GSPT1: variants seen among roughly 807,000 people sequenced by gnomAD.
The protein encoded by GSPT1 is eukaryotic peptide chain release factor GTP-binding subunit ERF3A.
GSPT1 carries 20 observed loss-of-function variants against 72.5 expected under a neutral mutation model. The observed-to-expected ratio is 0.28, with a 90% CI of 0.19 to 0.40. The LOEUF is 0.40. GSPT1 is among the 10% of genes least tolerant of loss of function. The pLI is 1.00. For missense variants in GSPT1, 580 were observed against 811.9 expected, an observed-to-expected ratio of 0.71 and a Z score of 3.47; for synonymous variants, 334 against 293.5, an observed-to-expected ratio of 1.14 and a Z score of -1.41.
At chr16:11,916,413 G>A (rs2075150), upstream of GSPT1, among the ~76,000 whole-genome samples, 291 of 152,280 alleles carry the variant, frequency 1.9e-3, 4 homozygotes, top group East Asian at 0.05. Context: ...TATAACATGG[G>A]GAAGAAAAAT....
chr16:11,896,179 C>T (rs901347656), intron 4 of GSPT1, among the ~76,000 whole-genome samples: 3 of 152,122 alleles, frequency 2.0e-5, no homozygotes, highest in Non-Finnish European at 2.9e-5. Context: ...CTGCTTCACA[C>T]AAAATTATCT....
At position 11,915,409 on chromosome 16, in the gene GSPT1, G is replaced by C; in HGVS notation, c.312C>G (p.Ala104=). Residue 104 remains alanine, a synonymous_variant, in exon 1 of 15, where the codon GCC becomes GCG. Transcript: ENST00000434724. The stretch of plus-strand genomic sequence containing the variant: ...CGCCGCTGCCGGCTCCGTGGTTATT[G>C]GCGGCGCCGCCAACTGGGGGTGGCG... The part of the protein sequence containing the change: ...AAPPPPVGGA[A]NNHGAGSGAG... 6.6e-7 allele frequency: 1 copy of C among 1,509,262 alleles called. No individual in the cohort carries two copies. Among genetic ancestry groups the C allele is most frequent in the Non-Finnish European group, 8.8e-7 (1 of 1,133,288 alleles). 93.5% of individuals were successfully genotyped at this position (1,509,262 alleles called of 1,614,324 possible). A position where few individuals can be genotyped will look rare whatever the true frequency, so the allele number is the denominator to read the frequency against.
At chr16:11,874,964 G>T (rs896097623) in intron 14 of GSPT1, among the ~76,000 whole-genome samples, 10 of 152,236 alleles carry the variant, frequency 6.6e-5, no homozygotes, top group Non-Finnish European at 1.0e-4. Context: ...GGCCAAGGCG[G>T]GCGGATCACG....
At chr16:11,902,210 G>A (rs2054417163) in intron 1 of GSPT1, among the ~76,000 whole-genome samples, 1 of 151,248 alleles carries the variant, frequency 6.6e-6, no homozygotes. Flanking sequence ...GTGAAACCCT[G>A]TCTCTACTAA....
intron 1 of GSPT1, among the ~76,000 whole-genome samples, chr16:11,899,179 A>T (rs1303581507): frequency 6.6e-6 from 1 of 152,218 alleles, no homozygotes; most frequent in Non-Finnish European, 1.5e-5. Context: ...TGAAAAAATA[A>T]TGAATTTGTA....
chr16:11,911,469 T>C (rs1197329951), intron 1 of GSPT1, among the ~76,000 whole-genome samples: 1 of 151,886 alleles, frequency 6.6e-6, no homozygotes, highest in Non-Finnish European at 1.5e-5. Flanking sequence ...CACTGCAGCC[T>C]CCAGCTCCTG....
At chr16:11,895,291 C>A (rs944091529) in intron 4 of GSPT1, 1 of 208,774 alleles carries the variant, frequency 4.8e-6, no homozygotes, top group Non-Finnish European at 9.9e-6. Flanking sequence ...ATTAGCTAGG[C>A]GTGGTGGCGG....
At chr16:11,892,386 G>A (rs2054272932) in intron 5 of GSPT1, among the ~76,000 whole-genome samples, 1 of 151,552 alleles carries the variant, frequency 6.6e-6, no homozygotes, top group Non-Finnish European at 1.5e-5. Context: ...GCTCATGCCT[G>A]TAATCTCAGC....
intron 1 of GSPT1, among the ~76,000 whole-genome samples, chr16:11,912,183 A>C (rs1198029615): frequency 2.6e-5 from 4 of 151,298 alleles, no homozygotes; most frequent in African/African-American, 9.7e-5. Context: ...TCCCTGCAAA[A>C]ACACACACAC....
chr16:11,905,783 T>C (rs568672867), intron 1 of GSPT1, among the ~76,000 whole-genome samples: 1 of 152,056 alleles, frequency 6.6e-6, no homozygotes, highest in South Asian at 2.1e-4. Context: ...TGCAGTGAGC[T>C]GAGATCACTG....
intron 6 of GSPT1, among the ~76,000 whole-genome samples, chr16:11,889,329 CTT>C (rs902991145): frequency 2.2e-4 from 13 of 60,038 alleles, no homozygotes; most frequent in Non-Finnish European, 2.7e-4. Flanking sequence ...CCCTCTTCTT[CTT>C]TTTTTTTTTT....
chr16:11,882,163 C>T (rs562408508), intron 11 of GSPT1: 1 of 152,350 alleles, frequency 6.6e-6, no homozygotes, highest in East Asian at 1.9e-4. Context: ...TGCCTGTAAT[C>T]CCAGCTACCC....
At chr16:11,887,197 G>C (rs1487384595) in intron 7 of GSPT1, among the ~76,000 whole-genome samples, 1 of 151,770 alleles carries the variant, frequency 6.6e-6, no homozygotes, top group African/African-American at 2.4e-5. Context: ...TAACTACAAA[G>C]GAAAAAAAAT....
chr16:11,916,008 C>T (rs1413555828), upstream of GSPT1: 5 of 676,486 alleles, frequency 7.4e-6, no homozygotes, highest in African/African-American at 8.9e-5. Context: ...AACCCCACCC[C>T]CGGCGCGGAT....
Position 11,868,698 on chromosome 16 carries a change from G to A in GSPT1, c.*4421C>T, listed in dbSNP as rs947419411. 6.6e-6 allele frequency: 1 copy of A among 152,246 alleles called. No homozygotes were observed. Among genetic ancestry groups the A allele is most frequent in the Admixed American group, 6.5e-5 (1 of 15,276 alleles). The allele number at this position is 152,246 out of a possible 1,614,324, so 9.4% of individuals were successfully genotyped here. On this transcript the variant is annotated 3_prime_UTR_variant, in exon 15 of 15. Coordinates refer to ENST00000434724, the MANE Select transcript of GSPT1 (RefSeq NM_002094.4). ...CTGACATCTGAAGCACTAAGCTAAT[G>A]TGCCTGGTAGAGGGGAGCCTCAGGA... is the stretch of plus-strand genomic sequence containing the variant.
In GSPT1 at chr16:11,886,690, G is replaced by A. The variant is rs560938260; in HGVS notation, c.1113-79C>T. ...TAGTTTCCTAAGTAAACAGATTAAG[G>A]TTTAGAAAAACCCTAGAGAAAAAGT... On this transcript the variant is annotated intron_variant, in intron 8 of 14. Coordinates refer to ENST00000434724, the MANE Select transcript of GSPT1 (RefSeq NM_002094.4). The A allele has an allele frequency of 1.9e-4, 298 of 1,551,798 alleles. 1 individual carries two copies. The highest frequency in any genetic ancestry group is 3.5e-4 in the Middle Eastern group (2 of 5,648).
chr16:11,899,753 C>G (rs1001478492), intron 1 of GSPT1, among the ~76,000 whole-genome samples: 3 of 152,132 alleles, frequency 2.0e-5, no homozygotes, highest in African/African-American at 7.2e-5. Flanking sequence ...CTGAGAGTAT[C>G]AAGTTCACAG....
Position 11,870,131 on chromosome 16 carries a change from C to A in GSPT1, c.*2988G>T, listed in dbSNP as rs889958527. On this transcript the variant is annotated 3_prime_UTR_variant, in exon 15 of 15. Coordinates refer to ENST00000434724, the MANE Select transcript of GSPT1 (RefSeq NM_002094.4). ...ATTTTCAACTCACAAAAAAAAAATA[C>A]ATGGGCTTAATTACTCAGTAACACT... The A allele has an allele frequency of 6.6e-6, 1 of 150,760 alleles. No individual in the cohort carries two copies. The highest frequency in any genetic ancestry group is 2.4e-5 in the African/African-American group (1 of 41,230). The allele number at this position is 150,760 out of a possible 1,614,324, so 9.3% of individuals were successfully genotyped here.
At chr16:11,903,047 A>G (rs1027602823) in intron 1 of GSPT1, among the ~76,000 whole-genome samples, 1 of 151,730 alleles carries the variant, frequency 6.6e-6, no homozygotes, top group Admixed American at 6.6e-5. Context: ...CCAAAAGGAA[A>G]CCCGTATTCA....
Sources: allele counts gnomAD v4.1 joint callset (sites outside exome capture counted in the v4.1 genomes callset), GRCh38; gene constraint gnomAD v4.1.1; transcripts MANE v1.5; gene names NCBI Gene and HGNC (gene_info 2026-07-23, HGNC 2026-07-21).